Variants in MYO15B observed in about 807,000 individuals in gnomAD.
The protein encoded by MYO15B is myosin XVB.
MYO15B carries 207 observed loss-of-function variants against 119.3 expected under a neutral mutation model. That is an observed-to-expected ratio of 1.73 (90% CI 1.55 to 1.95). MYO15B has a LOEUF of 1.95. Among genes scored for constraint, MYO15B ranks in the 30% most tolerant of loss-of-function variants. The probability of loss-of-function intolerance (pLI) is 0.00; values close to 1 mark genes in which losing one functional copy is unlikely to be tolerated. For synonymous variants in MYO15B, 966 were observed against 498.9 expected, an observed-to-expected ratio of 1.94 and a Z score of -12.48; for missense variants, 2,264 against 1,203.1, an observed-to-expected ratio of 1.88 and a Z score of -13.04.
intron 14 of MYO15B, among the ~76,000 whole-genome samples, chr17:75,597,208 G>A (rs868612678): frequency 3.9e-5 from 6 of 152,224 alleles, no homozygotes; most frequent in South Asian, 2.1e-4. Flanking sequence ...GGGACTGCAC[G>A]AGGCTCATGA....
intron 36 of MYO15B, 42 bp from the exon 37 acceptor site, chr17:75,616,027 A>G (rs2058352021): frequency 1.7e-6 from 1 of 579,132 alleles, no homozygotes; most frequent in Non-Finnish European, 3.1e-6. Flanking sequence ...CGAGTGTGGC[A>G]CCCAGGCTGG....
intron 22 of MYO15B, 180 bp from the exon 23 acceptor site, chr17:75,610,720 G>T (rs760784302): frequency 1.5e-5 from 9 of 608,072 alleles, no homozygotes; most frequent in Admixed American, 2.7e-5. Context: ...GACGCCCACA[G>T]TGCTAAGGCT....
At position 75,619,482 on chromosome 17, in the gene MYO15B, T is replaced by C; in HGVS notation, c.7182+6T>C. On this transcript the variant is annotated splice_donor_region_variant and intron_variant, in intron 45 of 63. Coordinates refer to ENST00000645453, the Ensembl canonical transcript of MYO15B. ...CCCGCTTCTTTCCTGTCTCGGTCAG[T>C]GGCGCTGGGGTAGGGAGTAGGGATG... 1.4e-6 allele frequency: 1 copy of C among 701,596 alleles called. No homozygotes were observed. The highest frequency in any genetic ancestry group is 1.5e-5 in the South Asian group (1 of 67,444). 43.5% of individuals were successfully genotyped at this position (701,596 alleles called of 1,614,324 possible). A position where few individuals can be genotyped will look rare whatever the true frequency, so the allele number is the denominator to read the frequency against.
chr17:75,603,289 G>A, exon 19 of MYO15B: 1 of 703,084 alleles, frequency 1.4e-6, no homozygotes, highest in Non-Finnish European at 2.6e-6. Context: ...CCGTGCGTGT[G>A]CCCTTTGAGG....
chr17:75,619,060 T>G, intron 43 of MYO15B, 83 bp from the exon 44 acceptor site: 1 of 696,054 alleles, frequency 1.4e-6, no homozygotes, highest in Admixed American at 2.0e-5. Flanking sequence ...CCTCCTCAGG[T>G]TTTCCTTCAT....
intron 12 of MYO15B, 109 bp downstream of exon 12, chr17:75,595,081 T>C (rs1393649280): frequency 1.9e-5 from 12 of 642,206 alleles, no homozygotes; most frequent in Admixed American, 9.2e-5. Flanking sequence ...GAGGTGCTTG[T>C]CTGTCTGGCA....
intron 16 of MYO15B, 68 bp downstream of exon 16, chr17:75,602,662 C>T (rs2057360447): frequency 4.9e-6 from 3 of 613,082 alleles, no homozygotes; most frequent in Admixed American, 5.6e-5. Flanking sequence ...CCTTTTCCCC[C>T]TGGGCGCTCT....
rs1202969167 is a variant in MYO15B at position 75,626,238 on chromosome 17, C to T, written c.9213+10C>T. On this transcript the variant is annotated intron_variant, in intron 63 of 63. Coordinates refer to ENST00000645453, the Ensembl canonical transcript of MYO15B. ...GTTTGAGCTGCCACAGGTGAGTGGC[C>T]AGGCCTCTGGCCACCTTGCGAAGGT... 4.3e-6 allele frequency: 3 copies of T among 702,634 alleles called. No homozygotes were observed. Among genetic ancestry groups the T allele is most frequent in the African/African-American group, 3.5e-5 (2 of 57,254 alleles). The allele number at this position is 702,634 out of a possible 1,614,324, so 43.5% of individuals were successfully genotyped here. A position where few individuals can be genotyped will look rare whatever the true frequency, so the allele number is the denominator to read the frequency against.
In MYO15B at chr17:75,614,633, CA is replaced by C. The variant is rs2058249748; in HGVS notation, c.5433del (p.Gly1812AspfsTer36). The C allele has an allele frequency of 1.4e-6, 1 of 700,802 alleles. No homozygotes were observed. Among genetic ancestry groups the C allele is most frequent in the Non-Finnish European group, 2.6e-6 (1 of 384,276 alleles). The allele number at this position is 700,802 out of a possible 1,614,324, so 43.4% of individuals were successfully genotyped here. On this transcript the variant is annotated frameshift_variant, in exon 31 of 64. Transcript: ENST00000645453. LOFTEE classifies it high-confidence loss of function. ...GGCATTCAGGCCCCCTCACTGCCCCCAGGACCCCCTCCAGGTCCAGCCCCAA... is the reference window on the plus strand; with the variant it reads ...GGCATTCAGGCCCCCTCACTGCCCCCGGACCCCCTCCAGGTCCAGCCCCAA...
Position 75,617,372 on chromosome 17 carries a change from C to T in MYO15B, c.6814+68C>T, listed in dbSNP as rs371680914. 1.1e-4 allele frequency: 62 copies of T among 573,664 alleles called. 1 individual carries two copies. Among genetic ancestry groups the T allele is most frequent in the African/African-American group, 6.2e-4 (33 of 52,834 alleles). The allele number at this position is 573,664 out of a possible 1,614,324, so 35.5% of individuals were successfully genotyped here. A position where few individuals can be genotyped will look rare whatever the true frequency, so the allele number is the denominator to read the frequency against. ...CAGAGGCAGGGTTCGCACAGACTCT[C>T]GGTGCCCAGGGCTGAAGGCATTTCT... On this transcript the variant is annotated intron_variant, in intron 41 of 63. Transcript: ENST00000645453.
chr17:75,599,340 T>A (rs887717017), intron 14 of MYO15B, among the ~76,000 whole-genome samples: 7 of 152,034 alleles, frequency 4.6e-5, no homozygotes, highest in Admixed American at 4.6e-4. Flanking sequence ...AGTGGCGTGA[T>A]CTTGGCCCAC....
In MYO15B at chr17:75,625,259, C is replaced by T. The variant is rs567134932; in HGVS notation, c.8804+21C>T. 8 of 682,044 alleles carry T rather than the reference C, an allele frequency of 1.2e-5. No homozygotes were observed. The African/African-American group carries it at 1.2e-4, about 10-fold the overall frequency. 42.2% of individuals were successfully genotyped at this position (682,044 alleles called of 1,614,324 possible). ...TCAGGGTGAGTGGAGGCACCTCCCGCCCCTAAGCCCCTCCCCTTCTCTAAG... is the reference window on the plus strand; with the variant it reads ...TCAGGGTGAGTGGAGGCACCTCCCGTCCCTAAGCCCCTCCCCTTCTCTAAG... On this transcript the variant is annotated intron_variant, in intron 60 of 63. Coordinates refer to ENST00000645453, the Ensembl canonical transcript of MYO15B.
intron 48 of MYO15B, 24 bp from the exon 49 acceptor site, chr17:75,620,443 G>A (rs993473979): frequency 2.8e-6 from 2 of 702,438 alleles, no homozygotes; most frequent in African/African-American, 3.5e-5. Flanking sequence ...CAGTGGGTGA[G>A]CCACATCCCT....
At chr17:75,592,822 C>G (rs2056563581) in exon 9 of MYO15B, 1 of 702,132 alleles carries the variant, frequency 1.4e-6, no homozygotes, top group Admixed American at 2.0e-5. Context: ...TGGGCAACAT[C>G]TGCTTCTCCT....
chr17:75,590,370 T>G (rs911299159), intron 1 of MYO15B, 127 bp downstream of exon 1: 3 of 398,182 alleles, frequency 7.5e-6, no homozygotes, highest in African/African-American at 2.1e-5. Flanking sequence ...TGAACCCTCC[T>G]GGCAGGAAGG....
At chr17:75,594,905 G>A (rs991290816) in exon 12 of MYO15B, 5 of 702,952 alleles carry the variant, frequency 7.1e-6, no homozygotes, top group Admixed American at 2.0e-5. Context: ...ACCAATGCAC[G>A]GCTGGCACCA....
intron 1 of MYO15B, 150 bp from the exon 2 acceptor site, chr17:75,590,476 T>G (rs1443297856): frequency 2.5e-6 from 1 of 392,462 alleles, no homozygotes; most frequent in East Asian, 3.6e-5. Flanking sequence ...CCTTGTAGCC[T>G]GCGCATTACT....
At chr17:75,614,502 C>T (rs1160565043) in intron 30 of MYO15B, 81 bp from the exon 31 acceptor site, 21 of 677,686 alleles carry the variant, frequency 3.1e-5, no homozygotes, top group South Asian at 1.4e-4. Context: ...GGGTGACCCC[C>T]GCAGCAGCTT....
exon 28 of MYO15B, chr17:75,613,315 A>G (rs1315784298): frequency 7.4e-6 from 5 of 672,724 alleles, no homozygotes; most frequent in Non-Finnish European, 1.4e-5. Context: ...CCAGGCCCCC[A>G]GGGGCATGGC....
Sources: gnomAD v4.1 joint callset for allele counts (sites outside exome capture counted in the v4.1 genomes callset) on GRCh38, gnomAD v4.1.1 for gene constraint, MANE v1.5 for transcripts, NCBI Gene and HGNC (gene_info 2026-07-23, HGNC 2026-07-21) for gene names.